TASOR2: variants seen among roughly 807,000 people sequenced by gnomAD.
TASOR2 encodes protein TASOR 2.
Under a neutral mutation model 199.5 loss-of-function variants are expected in TASOR2, and 84 were observed. The observed-to-expected ratio is 0.42, with a 90% CI of 0.35 to 0.50. The LOEUF (loss-of-function observed/expected upper bound fraction) is 0.50. Among genes scored for constraint, TASOR2 ranks in the 20% least tolerant of loss-of-function variants. The pLI is 0.02. For synonymous variants in TASOR2, 1,103 were observed against 1,046.6 expected (o/e 1.05, Z -1.04); for missense variants, 2,796 against 2,835.9 (o/e 0.99, Z 0.32).
At chr10:5,743,826 A>G (rs1338172286) in intron 14 of TASOR2, 2 of 152,218 alleles carry the variant, frequency 1.3e-5, no homozygotes, top group South Asian at 4.1e-4. Context: ...ATTCCTAACA[A>G]TCTCCTTAGT....
intron 18 of TASOR2, among the ~76,000 whole-genome samples, chr10:5,759,871 A>G (rs1263113077): frequency 6.6e-6 from 1 of 152,254 alleles, no homozygotes; most frequent in Non-Finnish European, 1.5e-5. Context: ...CAGCAGGTCA[A>G]GGGTATGACC....
Position 5,706,699 on chromosome 10 carries a change from T to C in TASOR2, c.-287-6124T>C, listed in dbSNP as rs1385705039. Among the ~76,000 whole-genome samples, 1 of 152,116 alleles carries C rather than the reference T, an allele frequency of 6.6e-6. No individual in the cohort carries two copies. The highest frequency in any genetic ancestry group is 1.5e-5 in the Non-Finnish European group (1 of 68,022). ...GTATGGCTCAGCAATGATTAATACA[T>C]ACAGTTAAGTAGTGAAACCTAGGCC... is the stretch of plus-strand genomic sequence containing the variant. On this transcript the variant is annotated intron_variant, in intron 1 of 20. Coordinates refer to ENST00000328090, the Ensembl canonical transcript of TASOR2. The surrounding 1 kb of genome is among the most constrained non-coding windows in gnomAD (Gnocchi z 4.8).
chr10:5,724,207 G>C (rs574060283), intron 7 of TASOR2, among the ~76,000 whole-genome samples: 1 of 152,062 alleles, frequency 6.6e-6, no homozygotes, highest in African/African-American at 2.4e-5. Context: ...TATTTGTCTT[G>C]TTAATCCTAT....
chr10:5,762,507 A>ATT lies in TASOR2; in HGVS notation c.7175-25_7175-24insTT, dbSNP rs1554784407. 204 of 470,288 alleles carry ATT rather than the reference A, an allele frequency of 4.3e-4. 2 individuals are homozygous for ATT. In the African/African-American group the frequency reaches 0.01, roughly 23 times the overall value. 29.1% of individuals were successfully genotyped at this position (470,288 alleles called of 1,614,324 possible). A position where few individuals can be genotyped will look rare whatever the true frequency, so the allele number is the denominator to read the frequency against. On this transcript the variant is annotated intron_variant, in intron 19 of 20. Coordinates refer to ENST00000328090, the Ensembl canonical transcript of TASOR2. ...AAGTACATTAATTATATTAACCAAA[A>ATT]GTTGTTTTTTTTTTTTTTTAACAGA...
chr10:5,710,285 A>C lies in TASOR2; in HGVS notation c.-287-2538A>C, dbSNP rs1018265027. ...CATGAAAGATTTAAGATTAGCTATG[A>C]TTTTCCAACAACTTTGTTTTTAACA... On this transcript the variant is annotated intron_variant, in intron 1 of 20. Transcript: ENST00000328090. The surrounding 1 kb of genome is among the most constrained non-coding windows in gnomAD (Gnocchi z 4.6). 1.3e-5 allele frequency among the ~76,000 whole-genome samples: 2 copies of C among 152,110 alleles called. No individual in the cohort carries two copies. Among genetic ancestry groups the C allele is most frequent in the African/African-American group, 4.8e-5 (2 of 41,436 alleles).
At chr10:5,715,187 GATT>G (rs1181370594) in intron 2 of TASOR2, among the ~76,000 whole-genome samples, 1 of 150,878 alleles carries the variant, frequency 6.6e-6, no homozygotes, top group Admixed American at 6.6e-5. Context: ...AACTGAGAAA[GATT>G]ATCGGGCTTC....
intron 1 of TASOR2, among the ~76,000 whole-genome samples, chr10:5,704,725 G>A (rs983275614): frequency 1.3e-5 from 2 of 151,980 alleles, no homozygotes; most frequent in African/African-American, 4.8e-5. Flanking sequence ...CTTTTGTAGT[G>A]TATACATTTG....
chr10:5,716,323 C>T (rs1322869481), intron 2 of TASOR2, among the ~76,000 whole-genome samples: 1 of 151,990 alleles, frequency 6.6e-6, no homozygotes, highest in African/African-American at 2.4e-5. Context: ...AATAATGGTC[C>T]TATGAACATA....
intron 11 of TASOR2, among the ~76,000 whole-genome samples, chr10:5,732,746 T>C (rs377031507): frequency 2.0e-5 from 3 of 152,246 alleles, no homozygotes; most frequent in African/African-American, 7.2e-5. Context: ...GATGACGTCT[T>C]GCTATGTTTC....
rs1450457629 is a variant in TASOR2 at position 5,752,340 on chromosome 10, G to C, written c.6606+2313G>C. On this transcript the variant is annotated intron_variant, in intron 15 of 20. Transcript: ENST00000328090. This position sits in a 1 kb window ranked among gnomAD's most constrained non-coding sequence, Gnocchi z 4.4. ...TGAGGGTGATTGGCCTGGCCGGGGAGGTCTTTGCTCAGGAAGTGCTGCAGC... is the reference window on the plus strand; with the variant it reads ...TGAGGGTGATTGGCCTGGCCGGGGACGTCTTTGCTCAGGAAGTGCTGCAGC... 1.3e-5 allele frequency among the ~76,000 whole-genome samples: 2 copies of C among 152,328 alleles called. No individual in the cohort carries two copies. Among genetic ancestry groups the C allele is most frequent in the East Asian group, 3.9e-4 (2 of 5,186 alleles).
chr10:5,723,043 C>CTTTTTTTTTTTTT (rs1183983010), intron 6 of TASOR2, among the ~76,000 whole-genome samples: 1 of 72,896 alleles, frequency 1.4e-5, no homozygotes, highest in Non-Finnish European at 2.4e-5. Context: ...CAGGAAATAA[C>CTTTTTTTTTTTTT]TTTTTTTTTT....
intron 18 of TASOR2, chr10:5,760,816 A>G (rs1360354079): frequency 1.3e-5 from 2 of 152,616 alleles, no homozygotes; most frequent in East Asian, 1.9e-4. Flanking sequence ...GGAGTCGAGC[A>G]GAGACAGAAA....
rs576971303 is a variant in TASOR2 at position 5,735,351 on chromosome 10, A to G, written c.1252A>G (p.Arg418Gly). Residue 418 changes from arginine (R) to glycine (G), a missense_variant, in exon 12 of 21, where the codon AGG becomes GGG. By Grantham distance (125) the Arg-to-Gly change is moderately radical. Transcript: ENST00000328090. Reference sequence around the variant, plus strand: ...GTTTGTACAGAAAACCAAATTGGATAGGAAAAACCAAGAAGCTCCTATTTC... The same window carrying G: ...GTTTGTACAGAAAACCAAATTGGATGGGAAAAACCAAGAAGCTCCTATTTC... 6.8e-6 allele frequency: 11 copies of G among 1,614,184 alleles called. No individual in the cohort carries two copies. In the East Asian group the frequency reaches 8.9e-5, roughly 13 times the overall value.
chr10:5,747,877 C>T (rs762694842), exon 15 of TASOR2: 2 of 1,613,678 alleles, frequency 1.2e-6, no homozygotes, highest in African/African-American at 2.7e-5. Context: ...ATTAACTGAT[C>T]ATCCAGGAAG....
chr10:5,762,856 T>C, intron 20 of TASOR2, 173 bp from the exon 22 acceptor site: 1 of 650,114 alleles, frequency 1.5e-6, no homozygotes, highest in South Asian at 2.1e-5. Context: ...CTACTAAAAT[T>C]ACCTATTTTA....
chr10:5,742,264 C>T lies in TASOR2; in HGVS notation c.2495C>T (p.Ser832Phe), dbSNP rs1354762898. 6.2e-7 allele frequency: 1 copy of T among 1,614,170 alleles called. No individual in the cohort carries two copies. The highest frequency in any genetic ancestry group is 8.5e-7 in the Non-Finnish European group (1 of 1,180,016). The change falls in exon 14 of 21, where the codon TCT becomes TTT. Residue 832 changes from serine to phenylalanine, a missense_variant. Around this residue, in one of 3 missense-constraint regions of TASOR2, gnomAD observed 1,941 missense variants for 1,924.9 expected, o/e 1.01. Transcript: ENST00000328090. The surrounding 1 kb of genome is among the most constrained non-coding windows in gnomAD (Gnocchi z 4.2). ...GTGTCTATAAATAGCACGTTAGAAT[C>T]TTGTGAGCTCCGTGAAATTGAGGAG...
At position 5,701,170 on chromosome 10, in the gene TASOR2, A is replaced by G. The variant is rs1837793157; in HGVS notation, c.-287-11653A>G. Among the ~76,000 whole-genome samples, 1 of 152,056 alleles carries G rather than the reference A, an allele frequency of 6.6e-6. No individual in the cohort carries two copies. The highest frequency in any genetic ancestry group is 1.9e-4 in the East Asian group (1 of 5,194). On this transcript the variant is annotated intron_variant, in intron 1 of 20. Coordinates refer to ENST00000328090, the Ensembl canonical transcript of TASOR2. This position sits in a 1 kb window ranked among gnomAD's most constrained non-coding sequence, Gnocchi z 4.9. ...ATCCATTTTGATTTGAATTTTGTAT[A>G]TGGTCAGATTGTTTTGTTCTTCTGC...
rs1041079876 is a variant in TASOR2 at position 5,744,584 on chromosome 10, G to A, written c.2758-1595G>A. 5.3e-5 allele frequency among the ~76,000 whole-genome samples: 8 copies of A among 152,174 alleles called. No homozygotes were observed. In the South Asian group the frequency reaches 6.2e-4, roughly 12 times the overall value. On this transcript the variant is annotated intron_variant, in intron 14 of 20. Transcript: ENST00000328090. The stretch of plus-strand genomic sequence containing the variant: ...TCCCAAAGTGCTGGGGATTACAGGC[G>A]TGAGCCACTGCCCCCAGCCAGAAAT...
intron 11 of TASOR2, 143 bp from the exon 13 acceptor site, chr10:5,735,161 A>T: frequency 1.1e-6 from 1 of 946,090 alleles, no homozygotes; most frequent in Non-Finnish European, 1.5e-6. Flanking sequence ...TCTTTTAATT[A>T]AATACCTGAA....
Sources: allele counts gnomAD v4.1 joint callset (sites outside exome capture counted in the v4.1 genomes callset), GRCh38; gene constraint gnomAD v4.1.1; regional missense constraint gnomAD v4.1.1; non-coding constraint Gnocchi (gnomAD v3.1); transcripts MANE v1.5; gene names NCBI Gene and HGNC (gene_info 2026-07-23, HGNC 2026-07-21).